GRM8: variants seen among roughly 807,000 people sequenced by gnomAD.
The protein encoded by GRM8 is glutamate metabotropic receptor 8.
A neutral mutation model predicts 87.2 loss-of-function variants in GRM8; 47 were observed. The ratio of observed to expected loss-of-function variants is 0.54; its 90% confidence interval spans 0.43 to 0.69. GRM8 has a LOEUF of 0.69. GRM8 is among the 30% of genes least tolerant of loss of function. GRM8 has a pLI of 0.00. For missense variants in GRM8, 1,019 were observed against 1,139.2 expected (o/e 0.89, Z 1.52); for synonymous variants, 396 against 404.5 (o/e 0.98, Z 0.25).
chr7:126,831,269 A>G (rs1353827339), intron 6 of GRM8, among the ~76,000 whole-genome samples: 5 of 152,170 alleles, frequency 3.3e-5, no homozygotes, highest in African/African-American at 1.2e-4. Context: ...CAGAGGTTAC[A>G]GCTGTCTTTT....
intron 3 of GRM8, among the ~76,000 whole-genome samples, chr7:126,943,124 G>A (rs373324714): frequency 5.9e-5 from 9 of 152,136 alleles, no homozygotes; most frequent in Non-Finnish European, 8.8e-5. Context: ...TTATCAGATC[G>A]GCAGGTGTAA....
At chr7:126,930,974 T>C (rs1307606119) in intron 3 of GRM8, among the ~76,000 whole-genome samples, 2 of 152,166 alleles carry the variant, frequency 1.3e-5, no homozygotes, top group Non-Finnish European at 2.9e-5. Context: ...GGCTCACTGC[T>C]TGGTGCAGAT....
At chr7:126,707,508 C>A (rs576153244) in intron 7 of GRM8, among the ~76,000 whole-genome samples, 1 of 152,168 alleles carries the variant, frequency 6.6e-6, no homozygotes, top group South Asian at 2.1e-4. Context: ...TTTTCTTCAT[C>A]AGATTTGTTT....
chr7:126,619,137 G>A (rs1385424025), intron 7 of GRM8, among the ~76,000 whole-genome samples: 3 of 152,174 alleles, frequency 2.0e-5, no homozygotes, highest in African/African-American at 4.8e-5. Flanking sequence ...ATGTCCATCA[G>A]TGATAGACTG....
intron 7 of GRM8, among the ~76,000 whole-genome samples, chr7:126,609,714 C>T (rs1291036978): frequency 6.6e-6 from 1 of 152,054 alleles, no homozygotes; most frequent in Admixed American, 6.5e-5. Flanking sequence ...CTTTATTGTA[C>T]ATATTAGAAA....
At chr7:127,206,962 C>T (rs886003) in intron 2 of GRM8, among the ~76,000 whole-genome samples, 22,945 of 152,150 alleles carry the variant, frequency 0.15, 2,189 homozygotes, top group Middle Eastern at 0.2. Flanking sequence ...CAGAAGCTAA[C>T]CAGGAGATGA....
At chr7:127,242,631 C>A in intron 2 of GRM8, 64 bp downstream of exon 2, 1 of 1,447,750 alleles carries the variant, frequency 6.9e-7, no homozygotes, top group South Asian at 1.3e-5. Flanking sequence ...CTTAAACCTG[C>A]AGTAGGAGTC....
chr7:126,532,390 C>A (rs1318432339), intron 9 of GRM8, among the ~76,000 whole-genome samples: 1 of 152,132 alleles, frequency 6.6e-6, no homozygotes, highest in Non-Finnish European at 1.5e-5. Flanking sequence ...CGAAGCCATT[C>A]AGTTTTTATA....
intron 2 of GRM8, among the ~76,000 whole-genome samples, chr7:127,141,311 C>T (rs536212858): frequency 2.0e-5 from 3 of 151,582 alleles, no homozygotes; most frequent in African/African-American, 4.9e-5. Flanking sequence ...GATACCCTGG[C>T]GAAGCTATGG....
chr7:126,691,357 C>A (rs1417733911), intron 7 of GRM8, among the ~76,000 whole-genome samples: 2 of 152,196 alleles, frequency 1.3e-5, no homozygotes, highest in Non-Finnish European at 2.9e-5. Context: ...AGAGGCCAGG[C>A]AGAGGGAGCA....
intron 6 of GRM8, among the ~76,000 whole-genome samples, chr7:126,864,741 A>AT (rs1411148323): frequency 6.6e-6 from 1 of 151,718 alleles, no homozygotes; most frequent in South Asian, 2.1e-4. Flanking sequence ...TGATATTGCA[A>AT]TTTTTTTTAC....
At chr7:126,903,743 ATATG>A (rs1338698690) in intron 5 of GRM8, among the ~76,000 whole-genome samples, 1 of 128,928 alleles carries the variant, frequency 7.8e-6, no homozygotes, top group African/African-American at 2.9e-5. Context: ...GTGTATATAT[ATATG>A]TATATGTGTA....
chr7:126,887,784 C>T (rs1451429477), intron 6 of GRM8, among the ~76,000 whole-genome samples: 1 of 152,142 alleles, frequency 6.6e-6, no homozygotes, highest in Non-Finnish European at 1.5e-5. Flanking sequence ...GTTCATCCCA[C>T]ACACTCAAGC....
chr7:126,441,629 A>T (rs2150446080), intron 10 of GRM8, among the ~76,000 whole-genome samples: 1 of 152,194 alleles, frequency 6.6e-6, no homozygotes, highest in African/African-American at 2.4e-5. Context: ...TTAGAAAATA[A>T]TTTATTTATT....
intron 9 of GRM8, among the ~76,000 whole-genome samples, chr7:126,487,193 C>G (rs981662945): frequency 6.6e-6 from 1 of 151,744 alleles, no homozygotes; most frequent in Non-Finnish European, 1.5e-5. Context: ...TAGAAGACAA[C>G]TAAATTCTCA....
At chr7:126,471,828 G>C (rs1805291939) in intron 9 of GRM8, among the ~76,000 whole-genome samples, 2 of 152,040 alleles carry the variant, frequency 1.3e-5, no homozygotes, top group South Asian at 4.2e-4. Flanking sequence ...CATGAGCATG[G>C]AATGTTCTTC....
At chr7:126,862,913 T>G (rs1431386201) in intron 6 of GRM8, among the ~76,000 whole-genome samples, 1 of 152,124 alleles carries the variant, frequency 6.6e-6, no homozygotes, top group African/African-American at 2.4e-5. Context: ...ATCCATCCTT[T>G]GTATTTTGTT....
At chr7:126,795,437 C>T (rs1821850978) in intron 6 of GRM8, among the ~76,000 whole-genome samples, 1 of 152,064 alleles carries the variant, frequency 6.6e-6, no homozygotes, top group Non-Finnish European at 1.5e-5. Flanking sequence ...TAAAATAAAA[C>T]ATCATTTTTA....
At chr7:127,175,372 A>G (rs1052229348) in intron 2 of GRM8, among the ~76,000 whole-genome samples, 1 of 152,184 alleles carries the variant, frequency 6.6e-6, no homozygotes, top group Non-Finnish European at 1.5e-5. Context: ...TATATTAAAG[A>G]ACTGTGGGAC....
Sources: gnomAD v4.1 joint callset for allele counts (sites outside exome capture counted in the v4.1 genomes callset) on GRCh38, gnomAD v4.1.1 for gene constraint, MANE v1.5 for transcripts, NCBI Gene and HGNC (gene_info 2026-07-23, HGNC 2026-07-21) for gene names.